DCP1A: variants seen among roughly 807,000 people sequenced by gnomAD.
DCP1A encodes the protein decapping mRNA 1A.
In DCP1A, 20 loss-of-function variants were observed where a neutral mutation model predicts 58.0. That is an observed-to-expected ratio of 0.34 (90% CI 0.24 to 0.50). DCP1A has a LOEUF of 0.50. Ranked by LOEUF, DCP1A falls within the 20% of genes least tolerant of loss-of-function variation. DCP1A has a pLI of 0.98. For synonymous variants in DCP1A, 285 were observed against 275.1 expected, an observed-to-expected ratio of 1.04 and a Z score of -0.36; for missense variants, 613 against 712.2, an observed-to-expected ratio of 0.86 and a Z score of 1.59.
chr3:53,293,786 C>G (rs149603520), intron 6 of DCP1A, among the ~76,000 whole-genome samples: 288 of 152,256 alleles, frequency 1.9e-3, no homozygotes, highest in African/African-American at 6.6e-3. Context: ...CACATTTCTA[C>G]AGGAAAACAA....
At chr3:53,318,628 G>T (rs1707879558) in intron 4 of DCP1A, among the ~76,000 whole-genome samples, 1 of 152,218 alleles carries the variant, frequency 6.6e-6, no homozygotes, top group Non-Finnish European at 1.5e-5. Context: ...CAGCAATACG[G>T]ATAGGTCACA....
chr3:53,290,749 TAAAAAAAAAAAAAAAA>T (rs61290855), intron 8 of DCP1A, 26 bp downstream of exon 8: 5 of 682,856 alleles, frequency 7.3e-6, no homozygotes, highest in African/African-American at 5.2e-5. Flanking sequence ...CGACTAGTCT[TAAAAAAAAAAAAAAAA>T]AAAAAAAAAA....
chr3:53,285,007 C>T lies in DCP1A; in HGVS notation c.*2573G>A, dbSNP rs938820133. On this transcript the variant is annotated 3_prime_UTR_variant, in exon 10 of 10. Transcript: ENST00000610213. The stretch of plus-strand genomic sequence containing the variant: ...AGGCCTGAGAGTCCATTAAAAGACA[C>T]CGCATTAACTACAACAAAAAGAAGA... 26 of 152,180 alleles carry T rather than the reference C, an allele frequency of 1.7e-4. No homozygotes were observed. Among genetic ancestry groups the T allele is most frequent in the African/African-American group, 6.3e-4 (26 of 41,420 alleles). The allele number at this position is 152,180 out of a possible 1,614,324, so 9.4% of individuals were successfully genotyped here. A position where few individuals can be genotyped will look rare whatever the true frequency, so the allele number is the denominator to read the frequency against.
At chr3:53,327,671 A>G (rs538074478) in intron 3 of DCP1A, among the ~76,000 whole-genome samples, 1 of 151,862 alleles carries the variant, frequency 6.6e-6, no homozygotes, top group East Asian at 1.9e-4. Context: ...TGTGCCTGTA[A>G]TCCCAGCTAC....
chr3:53,304,357 C>T (rs940335197), intron 5 of DCP1A, 67 bp from the exon 6 acceptor site: 2 of 1,112,280 alleles, frequency 1.8e-6, no homozygotes, highest in South Asian at 2.6e-5. Context: ...GCTCACAAAA[C>T]AGCATCTGAG....
At chr3:53,341,077 T>C (rs2089195382) in intron 3 of DCP1A, among the ~76,000 whole-genome samples, 1 of 151,862 alleles carries the variant, frequency 6.6e-6, no homozygotes, top group East Asian at 1.9e-4. Flanking sequence ...AAACCTTACT[T>C]AGAAACATAT....
intron 6 of DCP1A, among the ~76,000 whole-genome samples, chr3:53,299,571 A>G (rs1707245912): frequency 6.6e-6 from 1 of 152,244 alleles, no homozygotes; most frequent in African/African-American, 2.4e-5. Flanking sequence ...TGGGCACACT[A>G]TAAGATAGGC....
chr3:53,309,142 C>T (rs549204161), intron 5 of DCP1A, among the ~76,000 whole-genome samples: 5 of 151,968 alleles, frequency 3.3e-5, no homozygotes, highest in South Asian at 2.1e-4. Context: ...GAGGCTGAGG[C>T]GGGCCAATCA....
chr3:53,308,927 T>C (rs1455583124), intron 5 of DCP1A, among the ~76,000 whole-genome samples: 4 of 152,096 alleles, frequency 2.6e-5, no homozygotes, highest in African/African-American at 9.7e-5. Context: ...AAAAATACCC[T>C]GGACTTTAAA....
chr3:53,312,415 TGAAAC>T, intron 4 of DCP1A, 36 bp from the exon 5 acceptor site: 1 of 1,515,140 alleles, frequency 6.6e-7, no homozygotes, highest in Non-Finnish European at 8.8e-7. Flanking sequence ...AAAGGCCTCT[TGAAAC>T]AAAATCTGAC....
At chr3:53,335,210 G>A (rs926105439) in intron 3 of DCP1A, among the ~76,000 whole-genome samples, 2 of 151,606 alleles carry the variant, frequency 1.3e-5, no homozygotes, top group African/African-American at 2.4e-5. Context: ...GCATCATCCC[G>A]GCTCACTGCA....
rs77905951 is a variant in DCP1A at position 53,321,398 on chromosome 3, A to G, written c.305-1925T>C. The stretch of plus-strand genomic sequence containing the variant: ...TAAGTAACTTATTAACAAATTAGAG[A>G]AAAAAATCAGTCTCAGAGCTATAAG... On this transcript the variant is annotated intron_variant, in intron 3 of 9. Transcript: ENST00000610213. Among the ~76,000 whole-genome samples, 653 of 152,256 alleles carry G rather than the reference A, an allele frequency of 4.3e-3. 3 individuals are homozygous for G. The highest frequency in any genetic ancestry group is 0.015 in the African/African-American group (609 of 41,534).
In DCP1A at chr3:53,292,871, A is replaced by C. The variant is rs925153917; in HGVS notation, c.625-44T>G. On this transcript the variant is annotated intron_variant, in intron 6 of 9. Transcript: ENST00000610213. ...CACCCAGTCAAAGAGGTCTGTTATAAATCAGCATAACCAAACTTCTTTTCC... is the reference window on the plus strand; with the variant it reads ...CACCCAGTCAAAGAGGTCTGTTATACATCAGCATAACCAAACTTCTTTTCC... 4 of 1,541,324 alleles carry C rather than the reference A, an allele frequency of 2.6e-6. No homozygotes were observed. The East Asian group carries it at 9.0e-5, about 35-fold the overall frequency.
chr3:53,312,874 T>C (rs561367564), intron 4 of DCP1A, among the ~76,000 whole-genome samples: 1 of 152,342 alleles, frequency 6.6e-6, no homozygotes, highest in Non-Finnish European at 1.5e-5. Flanking sequence ...CACCGTCTCA[T>C]TAACAGTGCC....
intron 3 of DCP1A, among the ~76,000 whole-genome samples, chr3:53,337,118 C>T (rs1221761171): frequency 1.3e-5 from 2 of 152,092 alleles, no homozygotes; most frequent in African/African-American, 4.8e-5. Context: ...GTGATCCACC[C>T]GCCTTGGCCT....
intron 8 of DCP1A, 58 bp from the exon 9 acceptor site, chr3:53,288,341 G>A (rs1299606740): frequency 1.5e-6 from 2 of 1,372,848 alleles, no homozygotes; most frequent in East Asian, 2.5e-5. Context: ...GCCAGGCCCA[G>A]AATAGGGACC....
chr3:53,288,365 C>A, intron 8 of DCP1A, 82 bp from the exon 9 acceptor site: 2 of 1,077,372 alleles, frequency 1.9e-6, no homozygotes, highest in Admixed American at 2.2e-5. Flanking sequence ...TGGAAACAGG[C>A]ATAAGCAGCA....
chr3:53,291,425 A>G (rs1553685967), intron 7 of DCP1A, among the ~76,000 whole-genome samples: 1 of 149,540 alleles, frequency 6.7e-6, no homozygotes, highest in Non-Finnish European at 1.5e-5. Context: ...GGTCTTATTC[A>G]TTCTATTTTT....
Position 53,290,791 on chromosome 3 carries a change from C to T in DCP1A, c.1449G>A (p.Pro483=), listed in dbSNP as rs782054323. 8.6e-6 allele frequency: 12 copies of T among 1,397,398 alleles called. No individual in the cohort carries two copies. Among genetic ancestry groups the T allele is most frequent in the South Asian group, 3.6e-5 (3 of 82,894 alleles). The allele number at this position is 1,397,398 out of a possible 1,614,324, so 86.6% of individuals were successfully genotyped here. The change falls in exon 8 of 10, where the codon CCG becomes CCA. Residue 483 remains proline (P), a splice_region_variant and synonymous_variant. Coordinates refer to ENST00000610213, the MANE Select transcript of DCP1A (RefSeq NM_018403.7). ...VQPKVLSSAI[P]VAGAPLVTAT... The stretch of plus-strand genomic sequence containing the variant: ...AAAAAAAAAAAAAGCGAGTCCTTAC[C>T]GGGATGGCACTGGATAACACCTTAG...
Sources: gnomAD v4.1 joint callset for allele counts (sites outside exome capture counted in the v4.1 genomes callset) on GRCh38, gnomAD v4.1.1 for gene constraint, MANE v1.5 for transcripts, NCBI Gene and HGNC (gene_info 2026-07-23, HGNC 2026-07-21) for gene names.